Variants in ZNF264 observed in about 807,000 individuals in gnomAD.
ZNF264 encodes zinc finger protein 264.
A neutral mutation model predicts 11.2 loss-of-function variants in ZNF264; 11 were observed. The observed-to-expected ratio is 0.98, with a 90% CI of 0.62 to 1.63. The LOEUF is 1.63. Ranked by LOEUF, ZNF264 falls within the 40% of genes most tolerant of loss-of-function variation. The pLI is 0.00. For synonymous variants in ZNF264, 309 were observed against 279.8 expected (o/e 1.10, Z -1.04); for missense variants, 752 against 768.1 (o/e 0.98, Z 0.25).
At chr19:57,196,291 C>G (rs1385154806) in intron 2 of ZNF264, among the ~76,000 whole-genome samples, 1 of 151,896 alleles carries the variant, frequency 6.6e-6, no homozygotes, top group Non-Finnish European at 1.5e-5. Context: ...TCCATGAGTC[C>G]GTGAATGGTA....
At chr19:57,196,328 A>G (rs1599945355) in intron 2 of ZNF264, among the ~76,000 whole-genome samples, 1 of 152,004 alleles carries the variant, frequency 6.6e-6, no homozygotes, top group East Asian at 1.9e-4. Context: ...TGCGTGCAGG[A>G]TAAGCAAACC....
chr19:57,193,370 T>C (rs1242535956), intron 1 of ZNF264: 3 of 304,344 alleles, frequency 9.9e-6, no homozygotes, highest in African/African-American at 6.8e-5. Flanking sequence ...GAAGTGTTAT[T>C]GTATTGATCC....
intron 2 of ZNF264, among the ~76,000 whole-genome samples, chr19:57,196,133 C>T (rs2087210048): frequency 6.6e-6 from 1 of 151,974 alleles, no homozygotes; most frequent in African/African-American, 2.4e-5. Flanking sequence ...ACCATTCTGT[C>T]AATCCAGTTG....
chr19:57,205,633 G>A, intron 3 of ZNF264, 141 bp downstream of exon 3: 1 of 770,646 alleles, frequency 1.3e-6, no homozygotes, highest in Non-Finnish European at 2.2e-6. Context: ...ACACTAGAAT[G>A]TTCCATTTGA....
intron 3 of ZNF264, among the ~76,000 whole-genome samples, chr19:57,207,821 G>C (rs1036186418): frequency 6.6e-6 from 1 of 151,876 alleles, no homozygotes; most frequent in Admixed American, 6.6e-5. Context: ...CCGCCTCCCA[G>C]GTTCAAGCGA....
rs1159555969 is a variant in ZNF264 at position 57,220,580 on chromosome 19, C to G, written c.*7599C>G. The G allele has an allele frequency of 6.6e-6, 1 of 152,128 alleles. No homozygotes were observed. The highest frequency in any genetic ancestry group is 6.6e-5 in the Admixed American group (1 of 15,260). 9.4% of individuals were successfully genotyped at this position (152,128 alleles called of 1,614,324 possible). On this transcript the variant is annotated 3_prime_UTR_variant, in exon 4 of 4. Coordinates refer to ENST00000263095, the MANE Select transcript of ZNF264 (RefSeq NM_003417.5). ...ATTCCACCTTTTTTTTTAGTAGACCCTCCATATATGTGTGTGTTTTGGTGA... is the reference window on the plus strand; with the variant it reads ...ATTCCACCTTTTTTTTTAGTAGACCGTCCATATATGTGTGTGTTTTGGTGA...
At chr19:57,208,106 C>T (rs903183740) in intron 3 of ZNF264, among the ~76,000 whole-genome samples, 10 of 152,208 alleles carry the variant, frequency 6.6e-5, no homozygotes, top group East Asian at 1.9e-4. Context: ...CCATCTGCTT[C>T]GGCCTCCCAA....
chr19:57,192,660 A>G (rs1230395298), intron 1 of ZNF264: 1 of 730,178 alleles, frequency 1.4e-6, no homozygotes, highest in South Asian at 6.2e-5. Context: ...TCGTTCCCCA[A>G]GTAGATGCAG....
chr19:57,208,070 G>A (rs1289746118), intron 3 of ZNF264, among the ~76,000 whole-genome samples: 2 of 152,134 alleles, frequency 1.3e-5, no homozygotes, highest in Admixed American at 1.3e-4. Context: ...GCCCAGGCTG[G>A]TCTGAAACCC....
At chr19:57,194,047 C>A in intron 2 of ZNF264, 46 bp downstream of exon 2, 2 of 1,558,730 alleles carry the variant, frequency 1.3e-6, no homozygotes. Flanking sequence ...CCTGCCACTT[C>A]CTTCATTCCA....
chr19:57,203,913 G>A lies in ZNF264; in HGVS notation c.161-1484G>A, dbSNP rs182061395. Among the ~76,000 whole-genome samples, 98 of 152,278 alleles carry A rather than the reference G, an allele frequency of 6.4e-4. 1 individual carries two copies. The highest frequency in any genetic ancestry group is 2.3e-3 in the Admixed American group (35 of 15,288). On this transcript the variant is annotated intron_variant, in intron 2 of 3. Coordinates refer to ENST00000263095, the MANE Select transcript of ZNF264 (RefSeq NM_003417.5). ...AAAAACTGTGTGGCCATGGCCAGGC[G>A]CGGTTGCTTACGCCTGTAATCCCAG...
At chr19:57,199,776 G>T (rs535364578) in intron 2 of ZNF264, among the ~76,000 whole-genome samples, 2 of 151,904 alleles carry the variant, frequency 1.3e-5, no homozygotes, top group Admixed American at 6.6e-5. Context: ...TTAGTTATAG[G>T]TCTAGAAGCA....
intron 1 of ZNF264, among the ~76,000 whole-genome samples, chr19:57,193,203 A>G (rs1414475965): frequency 6.6e-6 from 1 of 152,316 alleles, no homozygotes; most frequent in East Asian, 1.9e-4. Context: ...TGGTGGTGAG[A>G]TGTGTGACTG....
chr19:57,207,019 G>GT (rs2087298068), intron 3 of ZNF264, among the ~76,000 whole-genome samples: 1 of 143,548 alleles, frequency 7.0e-6, no homozygotes, highest in African/African-American at 2.6e-5. Context: ...TCCCTGTTCA[G>GT]CCCTTCAGAG....
chr19:57,192,221 C>T, intron 1 of ZNF264: 2 of 552,892 alleles, frequency 3.6e-6, no homozygotes, highest in South Asian at 7.9e-5. Context: ...GGTCTCATTC[C>T]AGCATGAATT....
rs2087398339 is a variant in ZNF264, at chr19:57,218,887, G to A, written c.*5906G>A. Reference sequence around the variant, plus strand: ...GCCAAAGAAAGACTCTCAGAGAATAGACAACTATATTCCAAAGTCATGGTT... The same window carrying A: ...GCCAAAGAAAGACTCTCAGAGAATAAACAACTATATTCCAAAGTCATGGTT... On this transcript the variant is annotated 3_prime_UTR_variant, in exon 4 of 4. Transcript: ENST00000263095. The A allele has an allele frequency of 1.3e-5, 2 of 152,060 alleles. No individual in the cohort carries two copies. Among genetic ancestry groups the A allele is most frequent in the Admixed American group, 6.6e-5 (1 of 15,260 alleles). 9.4% of individuals were successfully genotyped at this position (152,060 alleles called of 1,614,324 possible). A position where few individuals can be genotyped will look rare whatever the true frequency, so the allele number is the denominator to read the frequency against.
At chr19:57,201,943 A>C (rs528316630) in intron 2 of ZNF264, among the ~76,000 whole-genome samples, 1 of 151,944 alleles carries the variant, frequency 6.6e-6, no homozygotes, top group Non-Finnish European at 1.5e-5. Context: ...CAAGTGTGGT[A>C]GCTCATGCCT....
At chr19:57,193,252 C>G (rs2087188342) in intron 1 of ZNF264, among the ~76,000 whole-genome samples, 1 of 152,098 alleles carries the variant, frequency 6.6e-6, no homozygotes, top group Non-Finnish European at 1.5e-5. Flanking sequence ...AAGTCATTGA[C>G]TGTGAAGGTG....
intron 3 of ZNF264, among the ~76,000 whole-genome samples, chr19:57,210,366 G>A (rs1448142548): frequency 2.6e-5 from 4 of 152,266 alleles, no homozygotes; most frequent in Non-Finnish European, 4.4e-5. Context: ...TCCCAAAGCC[G>A]TTGTCAGGTT....
Sources: gnomAD v4.1 joint callset for allele counts (sites outside exome capture counted in the v4.1 genomes callset) on GRCh38, gnomAD v4.1.1 for gene constraint, MANE v1.5 for transcripts, NCBI Gene and HGNC (gene_info 2026-07-23, HGNC 2026-07-21) for gene names.